OCIAD1: variants seen among roughly 807,000 people sequenced by gnomAD.
The protein encoded by OCIAD1 is OCIA domain containing 1, also known as OCIA domain-containing protein 1.
Under a neutral mutation model 38.9 loss-of-function variants are expected in OCIAD1, and 29 were observed. That is an observed-to-expected ratio of 0.74 (90% confidence interval 0.55 to 1.02). The LOEUF (loss-of-function observed/expected upper bound fraction) is 1.02, where lower values mean the gene tolerates loss of function less well. OCIAD1 is among the 50% of genes least tolerant of loss of function. The probability of loss-of-function intolerance (pLI) is 0.00; values close to 1 mark genes in which losing one functional copy is unlikely to be tolerated. For synonymous variants in OCIAD1, 110 were observed against 92.0 expected, an observed-to-expected ratio of 1.20 and a Z score of -1.12; for missense variants, 288 against 289.6, an observed-to-expected ratio of 0.99 and a Z score of 0.04.
chr4:48,810,886 CTTTCTTTCTTTTTTT>C (rs923861699), intron 1 of OCIAD1, among the ~76,000 whole-genome samples: 3 of 44,302 alleles, frequency 6.8e-5, no homozygotes, highest in African/African-American at 2.5e-4. Context: ...TTTTTTCTTT[CTTTCTTTCTTTTTTT>C]TTTTTTTTTT....
At chr4:48,809,769 T>G (rs1777066693) in intron 1 of OCIAD1, among the ~76,000 whole-genome samples, 1 of 152,150 alleles carries the variant, frequency 6.6e-6, no homozygotes, top group African/African-American at 2.4e-5. Context: ...TGTTCTTCCC[T>G]TGGCTAACTA....
chr4:48,857,688 T>C (rs1294035026), intron 8 of OCIAD1, among the ~76,000 whole-genome samples: 1 of 152,060 alleles, frequency 6.6e-6, no homozygotes, highest in Non-Finnish European at 1.5e-5. Context: ...TAATTTTTTG[T>C]ATTTTTAGTA....
chr4:48,841,015 A>G (rs1215816255), intron 3 of OCIAD1, among the ~76,000 whole-genome samples: 1 of 152,166 alleles, frequency 6.6e-6, no homozygotes, highest in African/African-American at 2.4e-5. Context: ...GACTTTGTCT[A>G]AAAACATAAA....
At chr4:48,836,831 A>G (rs542660363) in intron 3 of OCIAD1, among the ~76,000 whole-genome samples, 21 of 152,166 alleles carry the variant, frequency 1.4e-4, no homozygotes, top group Non-Finnish European at 2.5e-4. Context: ...TTTTAAATTT[A>G]TGATGACTAT....
intron 1 of OCIAD1, among the ~76,000 whole-genome samples, chr4:48,831,914 C>A (rs760680282): frequency 2.0e-5 from 3 of 152,138 alleles, no homozygotes; most frequent in Non-Finnish European, 2.9e-5. Flanking sequence ...AATCATGATC[C>A]CACGTAAACG....
chr4:48,844,473 G>A (rs576956794), intron 4 of OCIAD1, among the ~76,000 whole-genome samples: 12 of 152,044 alleles, frequency 7.9e-5, no homozygotes, highest in Non-Finnish European at 1.5e-4. Flanking sequence ...AAAATTAGCC[G>A]GGCGTGGTCG....
At chr4:48,841,913 A>G (rs1421562228) in intron 3 of OCIAD1, among the ~76,000 whole-genome samples, 3 of 152,242 alleles carry the variant, frequency 2.0e-5, no homozygotes, top group Non-Finnish European at 4.4e-5. Context: ...TTTAGAAGAA[A>G]GAACATAAGT....
At chr4:48,831,505 C>T (rs766652483) in intron 1 of OCIAD1, 1 of 1,290,280 alleles carries the variant, frequency 7.8e-7, no homozygotes, top group Non-Finnish European at 1.0e-6. Flanking sequence ...AGGTGGGAGA[C>T]GGACACTGGG....
At chr4:48,831,637 T>TAGAAACACCA in intron 1 of OCIAD1, 1 of 1,019,148 alleles carries the variant, frequency 9.8e-7, no homozygotes, top group Non-Finnish European at 1.3e-6. Flanking sequence ...ACAGTCTTCC[T>TAGAAACACCA]GGTGTTTCTA....
intron 1 of OCIAD1, among the ~76,000 whole-genome samples, chr4:48,811,245 G>T (rs116181567): frequency 6.6e-6 from 1 of 152,142 alleles, no homozygotes; most frequent in Non-Finnish European, 1.5e-5. Context: ...CCCCTAACTG[G>T]CCTCCACGTC....
At chr4:48,840,883 G>A (rs954773305) in intron 3 of OCIAD1, among the ~76,000 whole-genome samples, 3 of 151,924 alleles carry the variant, frequency 2.0e-5, no homozygotes, top group East Asian at 1.9e-4. Flanking sequence ...CAGGCATGGC[G>A]GTGCATGCCT....
At chr4:48,852,882 G>GTTTTT (rs1439653723) in intron 7 of OCIAD1, among the ~76,000 whole-genome samples, 2 of 126,338 alleles carry the variant, frequency 1.6e-5, no homozygotes, top group Non-Finnish European at 3.3e-5. Context: ...TTTGTTTTTT[G>GTTTTT]TTTTTTTTTT....
rs1002839766 is a variant in OCIAD1, at chr4:48,857,974, C to T, written c.700+609C>T. Among the ~76,000 whole-genome samples the T allele has an allele frequency of 4.6e-5, 7 of 152,116 alleles. No individual in the cohort carries two copies. The South Asian group carries it at 6.2e-4, about 14-fold the overall frequency. ...TTGGAGACCAGCATGGCCAACATGG[C>T]GATACCTTGTCTCTACTAAAAATAC... On this transcript the variant is annotated intron_variant, in intron 8 of 8. Coordinates refer to ENST00000264312, the MANE Select transcript of OCIAD1 (RefSeq NM_017830.4).
intron 1 of OCIAD1, among the ~76,000 whole-genome samples, chr4:48,831,853 ATT>A (rs1412263075): frequency 3.3e-5 from 5 of 152,128 alleles, no homozygotes; most frequent in Non-Finnish European, 7.4e-5. Flanking sequence ...TGCTGTCCTC[ATT>A]GTGTATGCCA....
Position 48,861,789 on chromosome 4 carries a change from AAAAC to A in OCIAD1, c.*1030_*1033del, listed in dbSNP as rs1183009973. On this transcript the variant is annotated 3_prime_UTR_variant, in exon 9 of 9. Coordinates refer to ENST00000264312, the MANE Select transcript of OCIAD1 (RefSeq NM_017830.4). Reference sequence around the variant, plus strand: ...CATTTTTAAAGAATTTGTAAATTCTAAAACAATAAAAATTTGGTATACATCACAG... The same window carrying A: ...CATTTTTAAAGAATTTGTAAATTCTAAATAAAAATTTGGTATACATCACAG... 2.0e-5 allele frequency: 3 copies of A among 152,244 alleles called. No homozygotes were observed. Among genetic ancestry groups the A allele is most frequent in the East Asian group, 3.8e-4 (2 of 5,208 alleles). 9.4% of individuals were successfully genotyped at this position (152,244 alleles called of 1,614,324 possible).
chr4:48,844,508 C>T (rs1194852604), intron 4 of OCIAD1, among the ~76,000 whole-genome samples: 4 of 151,948 alleles, frequency 2.6e-5, no homozygotes, highest in Non-Finnish European at 4.4e-5. Context: ...CCCAGCTACT[C>T]AGGAGACTGA....
At chr4:48,809,843 C>G (rs1042587431) in intron 1 of OCIAD1, among the ~76,000 whole-genome samples, 5 of 152,142 alleles carry the variant, frequency 3.3e-5, no homozygotes, top group Non-Finnish European at 7.4e-5. Context: ...CTCTAATAAC[C>G]TAGGCTCCCT....
intron 1 of OCIAD1, 148 bp downstream of exon 1, chr4:48,831,397 C>G (rs747721177): frequency 2.5e-5 from 22 of 875,190 alleles, no homozygotes; most frequent in Non-Finnish European, 3.3e-5. Context: ...TCCTGAGTGC[C>G]GGTGACTGCG....
At position 48,857,331 on chromosome 4, in the gene OCIAD1, C is replaced by G; in HGVS notation, c.666C>G (p.Val222=). Residue 222 remains valine (V), a synonymous_variant, in exon 8 of 9, where the codon GTC becomes GTG. Transcript: ENST00000264312. The part of the protein sequence containing the change: ...VSLTQKTDPS[V]RPMHERVPKK... ...TAACACAAAAGACTGACCCCTCAGT[C>G]AGGCCTATGCATGAAAGAGTGCCAA... 6.3e-7 allele frequency: 1 copy of G among 1,583,222 alleles called. No individual in the cohort carries two copies. The highest frequency in any genetic ancestry group is 8.6e-7 in the Non-Finnish European group (1 of 1,166,200).
Sources: gnomAD v4.1 joint callset for allele counts (sites outside exome capture counted in the v4.1 genomes callset) on GRCh38, gnomAD v4.1.1 for gene constraint, MANE v1.5 for transcripts, NCBI Gene and HGNC (gene_info 2026-07-23, HGNC 2026-07-21) for gene names.